The following TNRC6A variants were observed in gnomAD, a reference collection of about 807,000 sequenced individuals.
The protein encoded by TNRC6A is trinucleotide repeat containing adaptor 6A, also known as trinucleotide repeat-containing gene 6A protein.
In TNRC6A, 44 loss-of-function variants were observed where a neutral mutation model predicts 221.2. The ratio of observed to expected loss-of-function variants is 0.20; its 90% CI spans 0.16 to 0.26. The LOEUF is 0.26. Ranked by LOEUF, TNRC6A falls within the 10% of genes least tolerant of loss-of-function variation. TNRC6A has a pLI of 1.00. For missense variants in TNRC6A, 2,199 were observed against 2,404.4 expected (o/e 0.91, Z 1.79); for synonymous variants, 847 against 838.5 (o/e 1.01, Z -0.18).
intron 2 of TNRC6A, among the ~76,000 whole-genome samples, chr16:24,674,664 A>G (rs989534037): frequency 2.0e-5 from 3 of 150,676 alleles, no homozygotes; most frequent in Admixed American, 6.7e-5. Flanking sequence ...TCTTTTAAAT[A>G]TTATTTATTC....
At chr16:24,810,320 C>T (rs1178386247) in intron 18 of TNRC6A, among the ~76,000 whole-genome samples, 2 of 152,016 alleles carry the variant, frequency 1.3e-5, no homozygotes, top group Non-Finnish European at 2.9e-5. Context: ...ATGTTAGCAC[C>T]TGGAATACAT....
rs189703662 is a variant in TNRC6A, at chr16:24,614,757, G to A, written n.276+4273G>A. Among the ~76,000 whole-genome samples the A allele has an allele frequency of 1.0e-3, 154 of 152,332 alleles. 1 individual carries two copies. The highest frequency in any genetic ancestry group is 1.4e-3 in the South Asian group (7 of 4,830). ...CCTGGGGCTTATTTGGGAAACAGAA[G>A]GAAGGCAATTTAATTTAAAGTAATT... On this transcript the variant is annotated intron_variant and non_coding_transcript_variant, in intron 1 of 2. Transcript: ENST00000566108.
At chr16:24,810,703 G>C (rs968936429) in intron 18 of TNRC6A, among the ~76,000 whole-genome samples, 1 of 152,122 alleles carries the variant, frequency 6.6e-6, no homozygotes, top group Non-Finnish European at 1.5e-5. Context: ...ACAGAAAAGA[G>C]GTAGATGAAG....
At chr16:24,775,302 T>C (rs904757804) in intron 4 of TNRC6A, among the ~76,000 whole-genome samples, 1 of 152,142 alleles carries the variant, frequency 6.6e-6, no homozygotes, top group Non-Finnish European at 1.5e-5. Context: ...ATGGAAAGGA[T>C]TATAAACAGT....
Position 24,815,196 on chromosome 16 carries a change from T to C in TNRC6A, c.4722T>C (p.Tyr1574=), listed in dbSNP as rs1327927510. The C allele has an allele frequency of 6.2e-7, 1 of 1,614,236 alleles. No individual in the cohort carries two copies. The highest frequency in any genetic ancestry group is 1.7e-5 in the Admixed American group (1 of 60,026). Residue 1574 remains tyrosine, a synonymous_variant, in exon 19 of 25, where the codon TAT becomes TAC. Coordinates refer to ENST00000395799, the MANE Select transcript of TNRC6A (RefSeq NM_014494.4). ...FRLEESPFVP[Y]DFMNSSTSPA... ...TGGAAGAGTCTCCATTTGTTCCCTATGACTTTATGAACAGCAGTACTTCAC... is the reference window on the plus strand; with the variant it reads ...TGGAAGAGTCTCCATTTGTTCCCTACGACTTTATGAACAGCAGTACTTCAC...
chr16:24,784,719 C>CAA (rs373113244), intron 5 of TNRC6A, among the ~76,000 whole-genome samples: 1 of 152,264 alleles, frequency 6.6e-6, no homozygotes, highest in African/African-American at 2.4e-5. Context: ...AGGTTTTGAT[C>CAA]AAGTGGCTTC....
chr16:24,813,463 A>G (rs921694159), intron 18 of TNRC6A, among the ~76,000 whole-genome samples: 2 of 152,214 alleles, frequency 1.3e-5, no homozygotes, highest in African/African-American at 4.8e-5. Flanking sequence ...CACATAGGGT[A>G]ATGGCTCCCA....
At chr16:24,659,498 A>C (rs2054984699) in intron 2 of TNRC6A, among the ~76,000 whole-genome samples, 1 of 152,088 alleles carries the variant, frequency 6.6e-6, no homozygotes, top group Admixed American at 6.6e-5. Context: ...GACTGGCTGC[A>C]GTGGTACAAA....
chr16:24,707,348 G>GCACACA (rs1491199124), intron 2 of TNRC6A, among the ~76,000 whole-genome samples: 7 of 69,524 alleles, frequency 1.0e-4, no homozygotes, highest in Admixed American at 1.7e-4. Context: ...GGGAACATGG[G>GCACACA]CGCACACACA....
chr16:24,758,490 T>A, intron 4 of TNRC6A, 130 bp downstream of exon 4: 2 of 910,444 alleles, frequency 2.2e-6, no homozygotes, highest in Non-Finnish European at 3.4e-6. Flanking sequence ...CCTTCTTCAG[T>A]AACATACCCT....
At position 24,756,285 on chromosome 16, in the gene TNRC6A, T is replaced by C. The variant is rs560639489; in HGVS notation, c.142-2054T>C. On this transcript the variant is annotated intron_variant, in intron 3 of 24. Transcript: ENST00000395799. ...CACATGTGGCAAGTGGCTGTTGTTT[T>C]GGATAGTGCAGACAATTACTCTTAA... 2.6e-5 allele frequency among the ~76,000 whole-genome samples: 4 copies of C among 152,356 alleles called. No individual in the cohort carries two copies. The East Asian group carries it at 5.8e-4, about 22-fold the overall frequency.
At position 24,790,147 on chromosome 16, in the gene TNRC6A, C is replaced by T. The variant is rs72770408; in HGVS notation, c.1505C>T (p.Thr502Ile). The change falls in exon 6 of 25, where the codon ACT (threonine) becomes ATT (isoleucine). Residue 502 changes from threonine to isoleucine, a missense_variant. Physicochemically the swap from Thr to Ile is moderately conservative, Grantham distance 89 (BLOSUM62 -1). This residue lies in a region of TNRC6A where 1,405 missense variants were observed against 1,400.2 expected (regional missense o/e 1.00). Transcript: ENST00000395799. ...CAGGCTCCATCAGGTATGAATGGCACTTCCCTTTCTCACCTTAGCAATGGA... is the reference window on the plus strand; with the variant it reads ...CAGGCTCCATCAGGTATGAATGGCATTTCCCTTTCTCACCTTAGCAATGGA... ...QMQAPSGMNG[T>I]SLSHLSNGES... is the part of the protein sequence containing the mutation. 6.2e-7 allele frequency: 1 copy of T among 1,614,072 alleles called. No individual in the cohort carries two copies. The highest frequency in any genetic ancestry group is 1.3e-5 in the African/African-American group (1 of 74,922).
intron 18 of TNRC6A, among the ~76,000 whole-genome samples, chr16:24,812,019 A>AGTTTTTTTTT (rs2058554175): frequency 2.4e-5 from 1 of 40,818 alleles, no homozygotes; most frequent in Non-Finnish European, 4.2e-5. Context: ...TCACTTTGGG[A>AGTTTTTTTTT]TTTTTTTTTT....
chr16:24,768,404 G>T (rs562063874), intron 4 of TNRC6A, among the ~76,000 whole-genome samples: 1 of 138,688 alleles, frequency 7.2e-6, no homozygotes, highest in Admixed American at 7.9e-5. Flanking sequence ...CTGCACTCTA[G>T]CCTGGGGGAC....
intron 1 of TNRC6A, among the ~76,000 whole-genome samples, chr16:24,615,064 C>CA (rs1354939104): frequency 6.6e-6 from 1 of 151,100 alleles, no homozygotes; most frequent in African/African-American, 2.4e-5. Context: ...GACTCTGTCT[C>CA]AAAAAAATAA....
At chr16:24,691,918 A>C (rs1020816999) in intron 2 of TNRC6A, among the ~76,000 whole-genome samples, 1 of 152,210 alleles carries the variant, frequency 6.6e-6, no homozygotes, top group Admixed American at 6.5e-5. Flanking sequence ...CATCACCCTT[A>C]ACTGCTAGGT....
At chr16:24,775,494 C>T (rs927269543) in intron 4 of TNRC6A, among the ~76,000 whole-genome samples, 2 of 152,052 alleles carry the variant, frequency 1.3e-5, no homozygotes, top group African/African-American at 4.8e-5. Flanking sequence ...ATGGGGAGAT[C>T]AGTTTGTTAG....
chr16:24,769,328 T>C (rs1457862352), intron 4 of TNRC6A, among the ~76,000 whole-genome samples: 1 of 152,078 alleles, frequency 6.6e-6, no homozygotes, highest in Non-Finnish European at 1.5e-5. Context: ...GAACACAGAC[T>C]AGGAAAAGGT....
At chr16:24,758,391 T>C (rs1179724995) in intron 4 of TNRC6A, 31 bp downstream of exon 4, 5 of 1,607,120 alleles carry the variant, frequency 3.1e-6, no homozygotes, top group Non-Finnish European at 4.3e-6. Flanking sequence ...TTTTATCCCT[T>C]TTTTCATTAA....
Sources: allele counts gnomAD v4.1 joint callset (sites outside exome capture counted in the v4.1 genomes callset), GRCh38; gene constraint gnomAD v4.1.1; regional missense constraint gnomAD v4.1.1; transcripts MANE v1.5; gene names NCBI Gene and HGNC (gene_info 2026-07-23, HGNC 2026-07-21).